Variants in MPHOSPH6 observed in about 807,000 individuals in gnomAD.
MPHOSPH6 encodes M-phase phosphoprotein 6.
In MPHOSPH6, 25 loss-of-function variants were observed where a neutral mutation model predicts 21.8. That is an observed-to-expected ratio of 1.15 (90% CI 0.83 to 1.60). MPHOSPH6 has a LOEUF of 1.60. MPHOSPH6 is among the 40% of genes most tolerant of loss of function. MPHOSPH6 has a pLI of 0.00. For synonymous variants in MPHOSPH6, 84 were observed against 56.5 expected, an observed-to-expected ratio of 1.49 and a Z score of -2.18; for missense variants, 269 against 181.8, an observed-to-expected ratio of 1.48 and a Z score of -2.76.
At chr16:82,166,085 G>A (rs1317915224) in intron 1 of MPHOSPH6, among the ~76,000 whole-genome samples, 18 of 152,184 alleles carry the variant, frequency 1.2e-4, no homozygotes, top group South Asian at 2.1e-4. Context: ...TGAAATCTGC[G>A]TCAGCTCACT....
At chr16:82,151,886 A>G (rs1158375553) in intron 2 of MPHOSPH6, among the ~76,000 whole-genome samples, 2 of 152,266 alleles carry the variant, frequency 1.3e-5, no homozygotes, top group Non-Finnish European at 2.9e-5. Context: ...AAAGGAAATA[A>G]TATGTATGTA....
At chr16:82,165,121 A>ATTTTTTTTTTTTTTTTTT (rs945085704) in intron 1 of MPHOSPH6, among the ~76,000 whole-genome samples, 1 of 48,626 alleles carries the variant, frequency 2.1e-5, no homozygotes. Flanking sequence ...TTTCTTTTTT[A>ATTTTTTTTTTTTTTTTTT]TTTTTTTTTT....
At chr16:82,162,738 C>A (rs1906646149) in intron 2 of MPHOSPH6, among the ~76,000 whole-genome samples, 1 of 152,224 alleles carries the variant, frequency 6.6e-6, no homozygotes, top group African/African-American at 2.4e-5. Context: ...CTCCTGCCAA[C>A]ATCCTGAGCT....
At position 82,164,188 on chromosome 16, in the gene MPHOSPH6, G is replaced by A. The variant is rs1235651181; in HGVS notation, c.58C>T (p.Gln20Ter). The change falls in exon 2 of 5, where the codon CAA becomes TAA. Residue 20 changes from glutamine to a stop codon, truncating the protein, a stop_gained. Transcript: ENST00000258169. LOFTEE classifies it high-confidence loss of function. ...SKNLLRMKFM[Q>*]RGLDSETKKQ... ...TTGGTTTCTGAGTCCAGTCCCCTTT[G>A]CATAAACTGTGAAAACAAACAAAAT... 6.3e-7 allele frequency: 1 copy of A among 1,599,756 alleles called. No individual in the cohort carries two copies. The highest frequency in any genetic ancestry group is 8.5e-7 in the Non-Finnish European group (1 of 1,174,988).
intron 1 of MPHOSPH6, chr16:82,167,499 TATTA>T (rs1906822348): frequency 1.4e-5 from 2 of 146,540 alleles, no homozygotes; most frequent in African/African-American, 4.9e-5. Context: ...TTGTTTCTAT[TATTA>T]TATTATAATA....
chr16:82,170,087 C>A (rs1272738337), intron 1 of MPHOSPH6, 38 bp downstream of exon 1: 3 of 1,572,734 alleles, frequency 1.9e-6, no homozygotes, highest in Non-Finnish European at 2.6e-6. Flanking sequence ...GACCGGGTGC[C>A]CCTACCGCCC....
intron 3 of MPHOSPH6, 24 bp downstream of exon 3, chr16:82,151,397 TTAA>T (rs768951821): frequency 6.2e-7 from 1 of 1,600,160 alleles, no homozygotes; most frequent in South Asian, 1.1e-5. Context: ...GGAAAAATTT[TTAA>T]TTTGAAGCAA....
chr16:82,168,453 TATA>T (rs1353584804), intron 1 of MPHOSPH6, among the ~76,000 whole-genome samples: 3 of 146,350 alleles, frequency 2.0e-5, no homozygotes, highest in Non-Finnish European at 3.0e-5. Flanking sequence ...ATCTTGCCCA[TATA>T]ATGTTTACTC....
At chr16:82,169,539 G>C (rs914609863) in intron 1 of MPHOSPH6, among the ~76,000 whole-genome samples, 1 of 152,140 alleles carries the variant, frequency 6.6e-6, no homozygotes, top group African/African-American at 2.4e-5. Context: ...CATCTCCACA[G>C]TCGTGTGATC....
At chr16:82,166,382 A>T (rs924600662) in intron 1 of MPHOSPH6, among the ~76,000 whole-genome samples, 1 of 151,980 alleles carries the variant, frequency 6.6e-6, no homozygotes, top group African/African-American at 2.4e-5. Flanking sequence ...ACACGTTTCC[A>T]TTTTCTGCCT....
At chr16:82,159,287 GTTAT>G (rs762794295) in intron 2 of MPHOSPH6, among the ~76,000 whole-genome samples, 1 of 151,928 alleles carries the variant, frequency 6.6e-6, no homozygotes, top group Non-Finnish European at 1.5e-5. Context: ...TCTTGAAAAA[GTTAT>G]TTGTCATTAA....
intron 3 of MPHOSPH6, 133 bp downstream of exon 3, chr16:82,151,291 G>A (rs1264825150): frequency 1.5e-5 from 19 of 1,291,664 alleles, no homozygotes; most frequent in Non-Finnish European, 1.6e-5. Context: ...TAGCTATGGC[G>A]ATATTTCAAG....
At chr16:82,158,198 A>C (rs1026906530) in intron 2 of MPHOSPH6, among the ~76,000 whole-genome samples, 1 of 152,018 alleles carries the variant, frequency 6.6e-6, no homozygotes, top group African/African-American at 2.4e-5. Context: ...TATATATAAG[A>C]TACTTCTTAG....
intron 2 of MPHOSPH6, among the ~76,000 whole-genome samples, chr16:82,160,499 G>C (rs143360309): frequency 7.4e-4 from 112 of 152,220 alleles, no homozygotes; most frequent in Middle Eastern, 3.4e-3. Context: ...TCTGCATAGC[G>C]AGCAGCCTTG....
chr16:82,157,569 G>A (rs558714675), intron 2 of MPHOSPH6, among the ~76,000 whole-genome samples: 9 of 152,290 alleles, frequency 5.9e-5, no homozygotes, highest in African/African-American at 1.9e-4. Context: ...AAAGATGCAT[G>A]CACTATCAAA....
rs1434936850 is a variant in MPHOSPH6, at chr16:82,148,552, C to A, written c.*179G>T. 2.8e-6 allele frequency: 2 copies of A among 706,320 alleles called. No individual in the cohort carries two copies. The highest frequency in any genetic ancestry group is 4.2e-6 in the Non-Finnish European group (2 of 474,046). The allele number at this position is 706,320 out of a possible 1,614,324, so 43.8% of individuals were successfully genotyped here. ...TCCACTCTGAATGAATACCAAGAAG[C>A]AAAGGATGTACAACATCCATCACAC... On this transcript the variant is annotated 3_prime_UTR_variant, in exon 5 of 5. Transcript: ENST00000258169.
intron 2 of MPHOSPH6, among the ~76,000 whole-genome samples, chr16:82,156,564 C>A (rs1476831588): frequency 6.6e-6 from 1 of 152,048 alleles, no homozygotes; most frequent in African/African-American, 2.4e-5. Flanking sequence ...AAATTAAAAA[C>A]CATAATAAGA....
chr16:82,169,421 T>G (rs2911425), intron 1 of MPHOSPH6, among the ~76,000 whole-genome samples: 3 of 151,954 alleles, frequency 2.0e-5, no homozygotes, highest in Non-Finnish European at 4.4e-5. Context: ...ACTCACCCTC[T>G]TCTCCCTGGA....
At chr16:82,168,016 T>C (rs1906842657) in intron 1 of MPHOSPH6, among the ~76,000 whole-genome samples, 1 of 152,220 alleles carries the variant, frequency 6.6e-6, no homozygotes, top group African/African-American at 2.4e-5. Context: ...CCAGTAAGTT[T>C]TTTCTTATCA....
Sources: allele counts gnomAD v4.1 joint callset (sites outside exome capture counted in the v4.1 genomes callset), GRCh38; gene constraint gnomAD v4.1.1; transcripts MANE v1.5; gene names NCBI Gene and HGNC (gene_info 2026-07-23, HGNC 2026-07-21).